RGS6: variants seen among roughly 807,000 people sequenced by gnomAD.
RGS6 encodes the protein regulator of G-protein signaling 6.
A neutral mutation model predicts 78.5 loss-of-function variants in RGS6; 30 were observed. The observed-to-expected ratio is 0.38, with a 90% CI of 0.29 to 0.52. The LOEUF (loss-of-function observed/expected upper bound fraction) is 0.52, where lower values mean the gene tolerates loss of function less well. RGS6 is among the 20% of genes least tolerant of loss of function. RGS6 has a pLI of 0.85. For missense variants in RGS6, 495 were observed against 609.7 expected (o/e 0.81, Z 1.98); for synonymous variants, 206 against 206.0 (o/e 1.00, Z 0.00).
At chr14:72,458,658 C>T (rs1172371075) in intron 5 of RGS6, among the ~76,000 whole-genome samples, 1 of 152,174 alleles carries the variant, frequency 6.6e-6, no homozygotes, top group Non-Finnish European at 1.5e-5. Flanking sequence ...AACAAACAAA[C>T]AAAAAATTTA....
At chr14:72,507,096 G>A (rs2096816805) in intron 13 of RGS6, among the ~76,000 whole-genome samples, 2 of 151,022 alleles carry the variant, frequency 1.3e-5, no homozygotes, top group African/African-American at 4.9e-5. Context: ...GTGAACCCAG[G>A]AGGCGGAGCC....
chr14:72,571,170 C>G (rs1386558331), downstream of RGS6, among the ~76,000 whole-genome samples: 1 of 152,176 alleles, frequency 6.6e-6, no homozygotes, highest in Non-Finnish European at 1.5e-5. Flanking sequence ...CAACCCAGAG[C>G]CTTCATTCTA....
At position 72,049,109 on chromosome 14, in the gene RGS6, A is replaced by T. The variant is rs955230519; in HGVS notation, c.84+84234A>T. ...AGAGAAAAGTATAACAGTGAAAAAAATTTTTCTTAGGTGTGTATTTGTGTT... is the reference window on the plus strand; with the variant it reads ...AGAGAAAAGTATAACAGTGAAAAAATTTTTTCTTAGGTGTGTATTTGTGTT... On this transcript the variant is annotated intron_variant, in intron 2 of 17. Coordinates refer to ENST00000553525, the MANE Select transcript of RGS6 (RefSeq NM_001204424.2). Among the ~76,000 whole-genome samples, 3 of 152,246 alleles carry T rather than the reference A, an allele frequency of 2.0e-5. No individual in the cohort carries two copies. In the South Asian group the frequency reaches 6.2e-4, roughly 32 times the overall value.
intron 17 of RGS6, among the ~76,000 whole-genome samples, chr14:72,555,716 T>TGAGTC (rs1223733380): frequency 6.6e-6 from 1 of 152,224 alleles, no homozygotes; most frequent in Non-Finnish European, 1.5e-5. Flanking sequence ...AAACTCCGTT[T>TGAGTC]GAGTCTGTTT....
intron 13 of RGS6, among the ~76,000 whole-genome samples, chr14:72,498,569 T>TA (rs1480688607): frequency 6.6e-6 from 1 of 152,150 alleles, no homozygotes; most frequent in Non-Finnish European, 1.5e-5. Context: ...CATTTTTTTT[T>TA]AAATCTCCCT....
chr14:71,991,742 A>G (rs537788613), intron 2 of RGS6, among the ~76,000 whole-genome samples: 1 of 152,326 alleles, frequency 6.6e-6, no homozygotes, highest in South Asian at 2.1e-4. Flanking sequence ...TTCTTTTCAC[A>G]TAATAGATTG....
intron 2 of RGS6, among the ~76,000 whole-genome samples, chr14:72,085,651 C>G (rs1382018956): frequency 6.6e-6 from 1 of 152,016 alleles, no homozygotes; most frequent in Non-Finnish European, 1.5e-5. Flanking sequence ...GTCAGGAGTT[C>G]AAGACCAGCC....
rs185959112 is a variant in RGS6 at position 71,945,861 on chromosome 14, G to A, written c.-21+12920G>A. On this transcript the variant is annotated intron_variant, in intron 1 of 17. Transcript: ENST00000553525. ...GAAAAATATTATGTATATCTACACT[G>A]CCCAATCCAAGAGAAACACCTTTTG... Among the ~76,000 whole-genome samples the A allele has an allele frequency of 6.6e-5, 10 of 152,160 alleles. No homozygotes were observed. In the East Asian group the frequency reaches 1.9e-3, roughly 29 times the overall value.
chr14:72,171,123 C>T lies in RGS6; in HGVS notation c.85-180972C>T, dbSNP rs114540729. Among the ~76,000 whole-genome samples the T allele has an allele frequency of 2.3e-3, 351 of 152,038 alleles. 1 individual carries two copies. Among genetic ancestry groups the T allele is most frequent in the African/African-American group, 8.3e-3 (343 of 41,390 alleles). The stretch of plus-strand genomic sequence containing the variant: ...CCTTTTCTTTAATTACACACATATC[C>T]ATGCATGCACACACATACATGCACA... On this transcript the variant is annotated intron_variant, in intron 2 of 17. Transcript: ENST00000553525.
intron 2 of RGS6, among the ~76,000 whole-genome samples, chr14:71,988,682 G>A (rs115000891): frequency 0.018 from 2,718 of 152,048 alleles, 72 homozygotes; most frequent in African/African-American, 0.061. Context: ...TTCTGTTTTC[G>A]GAGATTTGAA....
rs1467782565 is a variant in RGS6 at position 72,256,650 on chromosome 14, T to A, written c.85-95445T>A. On this transcript the variant is annotated intron_variant, in intron 2 of 17. Transcript: ENST00000553525. Reference sequence around the variant, plus strand: ...GAGGGGGTTAGTTTTGGGAAAGGGCTATTATCATCCTTGCTTTAAAATTAA... The same window carrying A: ...GAGGGGGTTAGTTTTGGGAAAGGGCAATTATCATCCTTGCTTTAAAATTAA... Among the ~76,000 whole-genome samples, 6 of 152,290 alleles carry A rather than the reference T, an allele frequency of 3.9e-5. No homozygotes were observed. The East Asian group carries it at 1.2e-3, about 29-fold the overall frequency.
chr14:72,539,954 C>A, intron 16 of RGS6, 87 bp from the exon 17 acceptor site: 1 of 1,166,478 alleles, frequency 8.6e-7, no homozygotes, highest in Non-Finnish European at 1.2e-6. Context: ...TCTTTAGCTG[C>A]AGCTGCTGCT....
At chr14:71,977,553 G>T (rs1247000089) in intron 2 of RGS6, among the ~76,000 whole-genome samples, 283 of 131,156 alleles carry the variant, frequency 2.2e-3, no homozygotes, top group African/African-American at 3.8e-3. Flanking sequence ...TCTCAGGTTT[G>T]TCAAAGATCA....
intron 3 of RGS6, among the ~76,000 whole-genome samples, chr14:72,439,165 G>C (rs920544924): frequency 6.6e-6 from 1 of 152,158 alleles, no homozygotes; most frequent in Non-Finnish European, 1.5e-5. Flanking sequence ...TTTTTCCTTG[G>C]TTTCATGCAG....
intron 3 of RGS6, among the ~76,000 whole-genome samples, chr14:72,439,680 C>T (rs1185811904): frequency 3.3e-5 from 5 of 152,218 alleles, no homozygotes; most frequent in East Asian, 1.9e-4. Flanking sequence ...CTGTGCCTCA[C>T]GGGCTGTCAC....
chr14:72,118,701 G>A (rs745798231), intron 2 of RGS6, among the ~76,000 whole-genome samples: 6 of 152,160 alleles, frequency 3.9e-5, no homozygotes, highest in Non-Finnish European at 8.8e-5. Flanking sequence ...AGGCCCAATG[G>A]CATGGCAATG....
chr14:72,115,102 G>A (rs1478958842), intron 2 of RGS6, among the ~76,000 whole-genome samples: 1 of 152,164 alleles, frequency 6.6e-6, no homozygotes, highest in Non-Finnish European at 1.5e-5. Context: ...TTGGATCTCA[G>A]TTATGTGGCA....
At chr14:71,910,021 C>G in the RGS6 span, among the ~76,000 whole-genome samples, 1 of 152,034 alleles carries the variant, frequency 6.6e-6, no homozygotes, top group South Asian at 2.1e-4. Context: ...AACACTATCT[C>G]TACTAAAATA....
intron 2 of RGS6, among the ~76,000 whole-genome samples, chr14:72,170,192 C>G (rs2096991968): frequency 6.6e-6 from 1 of 152,152 alleles, no homozygotes; most frequent in Non-Finnish European, 1.5e-5. Context: ...TACAATGTAT[C>G]CCCTTCTTAC....
Sources: gnomAD v4.1 joint callset for allele counts (sites outside exome capture counted in the v4.1 genomes callset) on GRCh38, gnomAD v4.1.1 for gene constraint, MANE v1.5 for transcripts, NCBI Gene and HGNC (gene_info 2026-07-23, HGNC 2026-07-21) for gene names.